Variants in POLN observed in about 807,000 individuals in gnomAD.
POLN encodes the protein DNA polymerase nu.
POLN carries 108 observed loss-of-function variants against 113.5 expected under a neutral mutation model. The observed-to-expected ratio is 0.95, with a 90% CI of 0.81 to 1.12. The LOEUF (loss-of-function observed/expected upper bound fraction) is 1.12. Ranked by LOEUF, POLN falls within the 50% of genes most tolerant of loss-of-function variation. The pLI is 0.00. For synonymous variants in POLN, 386 were observed against 391.5 expected, an observed-to-expected ratio of 0.99 and a Z score of 0.17; for missense variants, 1,097 against 1,077.1, an observed-to-expected ratio of 1.02 and a Z score of -0.26.
chr4:2,240,489 C>T (rs1734940186), intron 2 of POLN: 1 of 1,613,818 alleles, frequency 6.2e-7, no homozygotes, highest in Non-Finnish European at 8.5e-7. Flanking sequence ...ATTTAGAATT[C>T]CTTGACTCTG....
chr4:2,218,048 G>C (rs979412159), intron 3 of POLN, among the ~76,000 whole-genome samples: 1 of 152,072 alleles, frequency 6.6e-6, no homozygotes, highest in Non-Finnish European at 1.5e-5. Flanking sequence ...CCAGCTACTC[G>C]GGAGACTGAA....
intron 16 of POLN, chr4:2,140,804 A>G (rs965402926): frequency 6.6e-6 from 1 of 152,080 alleles, no homozygotes; most frequent in Admixed American, 6.5e-5. Flanking sequence ...GCCACACAAT[A>G]CTTTCTTTTC....
chr4:2,099,608 A>G (rs536225928), intron 19 of POLN, among the ~76,000 whole-genome samples: 1 of 152,338 alleles, frequency 6.6e-6, no homozygotes, highest in East Asian at 1.9e-4. Context: ...GTGTGGTGTC[A>G]TGGAGGGGGT....
intron 19 of POLN, among the ~76,000 whole-genome samples, chr4:2,105,487 A>T (rs1222711051): frequency 6.6e-6 from 1 of 152,172 alleles, no homozygotes; most frequent in Admixed American, 6.5e-5. Context: ...AGGAATTAAG[A>T]GGAATAAATC....
At chr4:2,164,588 A>T (rs892431416) in intron 13 of POLN, among the ~76,000 whole-genome samples, 1 of 150,506 alleles carries the variant, frequency 6.6e-6, no homozygotes, top group Non-Finnish European at 1.5e-5. Context: ...GGATTACCTG[A>T]GGTCAGGAGT....
rs1216404228 is a variant in POLN at position 2,127,384 on chromosome 4, A to C, written c.1982+729T>G. On this transcript the variant is annotated intron_variant, in intron 19 of 25. Coordinates refer to ENST00000511885, the MANE Select transcript of POLN (RefSeq NM_181808.4). The surrounding 1 kb of genome is among the most constrained non-coding windows in gnomAD (Gnocchi z 4.7). Reference sequence around the variant, plus strand: ...CCACTCCTCCTTTTTTCTGGAGTATAATCTCTCCACCTCCCTTGCAGCTGG... The same window carrying C: ...CCACTCCTCCTTTTTTCTGGAGTATCATCTCTCCACCTCCCTTGCAGCTGG... Among the ~76,000 whole-genome samples, 2 of 152,108 alleles carry C rather than the reference A, an allele frequency of 1.3e-5. No individual in the cohort carries two copies. Among genetic ancestry groups the C allele is most frequent in the South Asian group, 2.1e-4 (1 of 4,822 alleles).
At chr4:2,089,836 T>G in intron 20 of POLN, 1 of 869,378 alleles carries the variant, frequency 1.2e-6, no homozygotes, top group Non-Finnish European at 1.9e-6. Context: ...CAAATCAGCA[T>G]CTAGGTTCTT....
chr4:2,158,109 G>A (rs1478798424), intron 14 of POLN, among the ~76,000 whole-genome samples, 198 bp from the exon 15 acceptor site: 1 of 152,074 alleles, frequency 6.6e-6, no homozygotes, highest in Non-Finnish European at 1.5e-5. Flanking sequence ...GCGCCACCAT[G>A]CTCGGCTAAG....
In POLN at chr4:2,072,314, C is replaced by CAG; in HGVS notation, c.2518-17_2518-16dup. The stretch of plus-strand genomic sequence containing the variant: ...TTGAGGGGTACCTGCAGGTGGCAGC[C>CAG]AGAGGTGAGCCCCACGCCTGGGCCA... On this transcript the variant is annotated splice_polypyrimidine_tract_variant and intron_variant, in intron 25 of 25. Coordinates refer to ENST00000511885, the MANE Select transcript of POLN (RefSeq NM_181808.4). The CAG allele has an allele frequency of 6.5e-7, 1 of 1,532,346 alleles. No homozygotes were observed. The highest frequency in any genetic ancestry group is 8.7e-7 in the Non-Finnish European group (1 of 1,143,202). 94.9% of individuals were successfully genotyped at this position (1,532,346 alleles called of 1,614,324 possible).
At chr4:2,214,896 C>T (rs1157999520) in intron 3 of POLN, among the ~76,000 whole-genome samples, 1 of 150,932 alleles carries the variant, frequency 6.6e-6, no homozygotes. Flanking sequence ...CATACATATA[C>T]ATATATATGT....
At chr4:2,214,719 C>T (rs930950683) in intron 3 of POLN, among the ~76,000 whole-genome samples, 10 of 152,038 alleles carry the variant, frequency 6.6e-5, no homozygotes, top group African/African-American at 2.4e-4. Flanking sequence ...ATAATGCATA[C>T]ATCACTTTGG....
At chr4:2,190,755 C>G (rs987183799) in intron 7 of POLN, among the ~76,000 whole-genome samples, 4 of 151,976 alleles carry the variant, frequency 2.6e-5, no homozygotes, top group Non-Finnish European at 5.9e-5. Flanking sequence ...AAAAGGCCAA[C>G]AAGAATATTT....
intron 3 of POLN, among the ~76,000 whole-genome samples, chr4:2,226,667 G>A (rs1010282669): frequency 2.6e-5 from 4 of 152,124 alleles, no homozygotes; most frequent in African/African-American, 7.2e-5. Flanking sequence ...AGTCAGTCTA[G>A]CAGATAAGAA....
intron 1 of POLN, 55 bp from the exon 2 acceptor site, chr4:2,241,845 A>G (rs759029062): frequency 2.0e-6 from 2 of 985,538 alleles, no homozygotes; most frequent in Non-Finnish European, 2.4e-6. Context: ...GAGCTGCAGA[A>G]GACGGGGGTG....
chr4:2,118,096 C>G (rs1273016528), intron 19 of POLN, among the ~76,000 whole-genome samples: 3 of 152,188 alleles, frequency 2.0e-5, no homozygotes, highest in Non-Finnish European at 4.4e-5. Flanking sequence ...AGAGATGTAT[C>G]CTTTGTCTAG....
intron 5 of POLN, 25 bp downstream of exon 5, chr4:2,207,962 A>G: frequency 6.4e-7 from 1 of 1,556,220 alleles, no homozygotes; most frequent in Non-Finnish European, 8.6e-7. Flanking sequence ...CAAGACAGCA[A>G]ATAAAAACAT....
chr4:2,177,056 T>C (rs1733015205), intron 8 of POLN, among the ~76,000 whole-genome samples: 1 of 152,206 alleles, frequency 6.6e-6, no homozygotes, highest in Non-Finnish European at 1.5e-5. Context: ...TCTAGTCATC[T>C]TGCTTGTGGC....
chr4:2,094,145 A>G (rs1189121307), intron 20 of POLN, among the ~76,000 whole-genome samples: 1 of 151,984 alleles, frequency 6.6e-6, no homozygotes, highest in African/African-American at 2.4e-5. Flanking sequence ...TCAGGAGTTC[A>G]AGACCAGCCT....
chr4:2,219,848 G>C (rs567341213), intron 3 of POLN, among the ~76,000 whole-genome samples: 48 of 152,244 alleles, frequency 3.2e-4, no homozygotes, highest in African/African-American at 1.1e-3. Flanking sequence ...CATCCTAGCA[G>C]TATGTTGGCA....
Sources: gnomAD v4.1 joint callset for allele counts (sites outside exome capture counted in the v4.1 genomes callset) on GRCh38, gnomAD v4.1.1 for gene constraint, Gnocchi (gnomAD v3.1) non-coding constraint, MANE v1.5 for transcripts, NCBI Gene and HGNC (gene_info 2026-07-23, HGNC 2026-07-21) for gene names.